The following OTP variants were observed in gnomAD, a reference collection of about 807,000 sequenced individuals.
OTP encodes the protein orthopedia homeobox.
OTP carries 5 observed loss-of-function variants against 22.3 expected under a neutral mutation model. That is an observed-to-expected ratio of 0.22 (90% confidence interval 0.12 to 0.47). OTP has a LOEUF of 0.47. Ranked by LOEUF, OTP falls within the 20% of genes least tolerant of loss-of-function variation. The pLI, the probability that OTP is intolerant of heterozygous loss-of-function variation, is 0.99. For missense variants in OTP, 428 were observed against 456.2 expected (o/e 0.94, Z 0.56); for synonymous variants, 229 against 210.6 (o/e 1.09, Z -0.76).
chr5:77,633,704 A>G (rs1160494778), intron 2 of OTP, among the ~76,000 whole-genome samples: 1 of 152,246 alleles, frequency 6.6e-6, no homozygotes. Flanking sequence ...TTTAAAATAT[A>G]TAGCCCGTTT....
Position 77,636,875 on chromosome 5 carries a change from G to A in OTP, c.393C>T (p.Ile131=), listed in dbSNP as rs776968616. Residue 131 remains isoleucine (I), a synonymous_variant, in exon 2 of 3, where the codon ATC becomes ATT. Coordinates refer to ENST00000306422, the MANE Select transcript of OTP (RefSeq NM_032109.3). Reference sequence around the variant, plus strand: ...GCAGTGCCAGCTCCTCACGCATAAAGATGTCGGGGTAGTGAGTCTTGGCGA... The same window carrying A: ...GCAGTGCCAGCTCCTCACGCATAAAAATGTCGGGGTAGTGAGTCTTGGCGA... The part of the protein sequence containing the change: ...RSFAKTHYPD[I]FMREELALRI... 32 of 1,614,206 alleles carry A rather than the reference G, an allele frequency of 2.0e-5. No individual in the cohort carries two copies. The highest frequency in any genetic ancestry group is 2.5e-5 in the Non-Finnish European group (30 of 1,180,034).
chr5:77,631,034 G>T (rs1334503270), intron 2 of OTP, among the ~76,000 whole-genome samples: 1 of 152,230 alleles, frequency 6.6e-6, no homozygotes, highest in Non-Finnish European at 1.5e-5. Context: ...AAGAGCTCGT[G>T]CCCCGAAGAG....
chr5:77,631,914 C>A (rs1425023722), intron 2 of OTP, among the ~76,000 whole-genome samples: 1 of 152,156 alleles, frequency 6.6e-6, no homozygotes, highest in Non-Finnish European at 1.5e-5. Context: ...ACAAGGCCTC[C>A]AGTTCCCTCA....
At chr5:77,637,853 A>G (rs568476946) in intron 1 of OTP, among the ~76,000 whole-genome samples, 1 of 152,358 alleles carries the variant, frequency 6.6e-6, no homozygotes, top group South Asian at 2.1e-4. Context: ...CCCAGATAGC[A>G]TTAAGGAAAC....
intron 2 of OTP, among the ~76,000 whole-genome samples, chr5:77,633,029 G>C (rs1438283993): frequency 6.6e-6 from 1 of 152,158 alleles, no homozygotes; most frequent in Non-Finnish European, 1.5e-5. Flanking sequence ...ACGCCGCACC[G>C]GGATTATGTT....
chr5:77,637,754 G>T (rs551874085), intron 1 of OTP, among the ~76,000 whole-genome samples: 2 of 152,040 alleles, frequency 1.3e-5, no homozygotes, highest in African/African-American at 2.4e-5. Context: ...AATCAGCTCC[G>T]CCTCCCCCTC....
At chr5:77,636,522 G>A (rs932889857) in intron 2 of OTP, 11 of 344,120 alleles carry the variant, frequency 3.2e-5, no homozygotes, top group African/African-American at 2.1e-4. Context: ...GGGGGGCGCT[G>A]AGGTTGCCTT....
rs762272040 is a variant in OTP, at chr5:77,637,068, C to G, written c.200G>C (p.Gly67Ala). The G allele has an allele frequency of 6.2e-7, 1 of 1,613,344 alleles. No individual in the cohort carries two copies. Among genetic ancestry groups the G allele is most frequent in the East Asian group, 2.2e-5 (1 of 44,864 alleles). The change falls in exon 2 of 3, where the codon GGC becomes GCC. Residue 67 changes from glycine to alanine, a missense_variant. Transcript: ENST00000306422. ...CACCGCCAGCGAGGCCGGAGTAGAGCCCACTGTGGTGATGTCCTCCCCGGG... is the reference window on the plus strand; with the variant it reads ...CACCGCCAGCGAGGCCGGAGTAGAGGCCACTGTGGTGATGTCCTCCCCGGG... ...LLPGEDITTV[G>A]STPASLAVSA...
Position 77,630,387 on chromosome 5 carries a change from G to A in OTP, c.855C>T (p.Ser285=). 6.3e-7 allele frequency: 1 copy of A among 1,579,748 alleles called. No homozygotes were observed. The highest frequency in any genetic ancestry group is 8.6e-7 in the Non-Finnish European group (1 of 1,166,460). Residue 285 remains serine, a synonymous_variant, in exon 3 of 3, where the codon AGC becomes AGT. Transcript: ENST00000306422. The part of the protein sequence containing the change: ...GMVPASLPGP[S]NVSGSPQLCS... Reference sequence around the variant, plus strand: ...AGAGCTGGGGCGAACCGGAGACGTTGCTGGGGCCGGGGAGGGAGGCGGGCA... The same window carrying A: ...AGAGCTGGGGCGAACCGGAGACGTTACTGGGGCCGGGGAGGGAGGCGGGCA...
At chr5:77,636,789 G>A (rs1394552491) in intron 2 of OTP, 32 bp downstream of exon 2, 1 of 1,582,478 alleles carries the variant, frequency 6.3e-7, no homozygotes, top group Non-Finnish European at 8.6e-7. Flanking sequence ...CCCTGTCCTT[G>A]CCTTCTGTCC....
chr5:77,629,857 A>AG lies in OTP; in HGVS notation c.*406dup. The AG allele has an allele frequency of 6.6e-6, 1 of 152,166 alleles. No homozygotes were observed. The highest frequency in any genetic ancestry group is 1.4e-5 in the Non-Finnish European group (1 of 72,648). The allele number at this position is 152,166 out of a possible 1,614,324, so 9.4% of individuals were successfully genotyped here. A position where few individuals can be genotyped will look rare whatever the true frequency, so the allele number is the denominator to read the frequency against. On this transcript the variant is annotated 3_prime_UTR_variant, in exon 3 of 3. Coordinates refer to ENST00000306422, the MANE Select transcript of OTP (RefSeq NM_032109.3). ...GGGACCGGAGGGGAGGCGGCGGGCG[A>AG]GGGGGGTCGTAGGCGTCGCGTCGAA...
intron 2 of OTP, 198 bp downstream of exon 2, chr5:77,636,623 A>C (rs938611461): frequency 1.8e-6 from 1 of 558,378 alleles, no homozygotes; most frequent in Non-Finnish European, 3.1e-6. Flanking sequence ...CTGGCCGGAG[A>C]CGGGCCTTGC....
In OTP at chr5:77,630,190, G is replaced by C. The variant is rs924878243; in HGVS notation, c.*74C>G. On this transcript the variant is annotated 3_prime_UTR_variant, in exon 3 of 3. Transcript: ENST00000306422. Reference sequence around the variant, plus strand: ...GGACGGGGCAGGGCGCCGGGGTCCGGGTGCGCGCCGGAAGGGCCTCGGGGC... The same window carrying C: ...GGACGGGGCAGGGCGCCGGGGTCCGCGTGCGCGCCGGAAGGGCCTCGGGGC... 4 of 1,061,048 alleles carry C rather than the reference G, an allele frequency of 3.8e-6. No homozygotes were observed. The highest frequency in any genetic ancestry group is 3.7e-6 in the Non-Finnish European group (3 of 821,072). The allele number at this position is 1,061,048 out of a possible 1,614,324, so 65.7% of individuals were successfully genotyped here. A position where few individuals can be genotyped will look rare whatever the true frequency, so the allele number is the denominator to read the frequency against.
rs1436596224 is a variant in OTP at position 77,637,007 on chromosome 5, C to G, written c.261G>C (p.Gln87His). The G allele has an allele frequency of 1.2e-6, 2 of 1,613,236 alleles. No individual in the cohort carries two copies. Among genetic ancestry groups the G allele is most frequent in the African/African-American group, 2.7e-5 (2 of 74,928 alleles). The change falls in exon 2 of 3, where the codon CAG becomes CAC. Residue 87 changes from glutamine to histidine, a missense_variant. Coordinates refer to ENST00000306422, the MANE Select transcript of OTP (RefSeq NM_032109.3). ...AKDPDKQPGP[Q>H]GGPNPSQAGQ... ...CGGCTTGGCTGGGGTTCGGGCCGCCCTGGGGCCCGGGCTGCTTGTCCGGGT... is the reference window on the plus strand; with the variant it reads ...CGGCTTGGCTGGGGTTCGGGCCGCCGTGGGGCCCGGGCTGCTTGTCCGGGT...
At position 77,630,321 on chromosome 5, in the gene OTP, G is replaced by A. The variant is rs1744906258; in HGVS notation, c.921C>T (p.Ser307=). ...GCGCCTTGCGGCGGAGGGAGGCGAT[G>A]CTGGTGCCCCGCCACACGTCGCTGC... ...PDSSDVWRGT[S]IASLRRKALE... is the part of the protein sequence containing the mutation. The change falls in exon 3 of 3, where the codon AGC becomes AGT. Residue 307 remains serine (S), a synonymous_variant. Coordinates refer to ENST00000306422, the MANE Select transcript of OTP (RefSeq NM_032109.3). The A allele has an allele frequency of 1.3e-6, 2 of 1,566,882 alleles. No individual in the cohort carries two copies. The highest frequency in any genetic ancestry group is 8.6e-7 in the Non-Finnish European group (1 of 1,159,732).
chr5:77,637,445 C>A (rs1236216414), intron 1 of OTP, among the ~76,000 whole-genome samples: 1 of 152,248 alleles, frequency 6.6e-6, no homozygotes, highest in Non-Finnish European at 1.5e-5. Flanking sequence ...CCGCAGCCGG[C>A]TCCCGTAGTA....
Position 77,630,252 on chromosome 5 carries a change from G to C in OTP, c.*12C>G. 1 of 1,501,644 alleles carries C rather than the reference G, an allele frequency of 6.7e-7. No individual in the cohort carries two copies. The highest frequency in any genetic ancestry group is 8.9e-7 in the Non-Finnish European group (1 of 1,129,342). 93.0% of individuals were successfully genotyped at this position (1,501,644 alleles called of 1,614,324 possible). ...CGGTGCTGGGGGCGGAGCGGGCCGGGGCGCGGCTGCATTAAGTGAAGCTCA... is the reference window on the plus strand; with the variant it reads ...CGGTGCTGGGGGCGGAGCGGGCCGGCGCGCGGCTGCATTAAGTGAAGCTCA... On this transcript the variant is annotated 3_prime_UTR_variant, in exon 3 of 3. Transcript: ENST00000306422.
chr5:77,638,404 T>C, intron 1 of OTP, 109 bp downstream of exon 1: 2 of 1,095,392 alleles, frequency 1.8e-6, no homozygotes, highest in Admixed American at 2.1e-5. Context: ...GCACAATTAC[T>C]TTTAAAGAAA....
intron 2 of OTP, among the ~76,000 whole-genome samples, chr5:77,631,576 T>TTTTTTA (rs1744932223): frequency 7.3e-6 from 1 of 137,064 alleles, no homozygotes; most frequent in Non-Finnish European, 1.5e-5. Flanking sequence ...TTTTTTTTTT[T>TTTTTTA]GAGACGGAGT....
Sources: gnomAD v4.1 joint callset for allele counts (sites outside exome capture counted in the v4.1 genomes callset) on GRCh38, gnomAD v4.1.1 for gene constraint, MANE v1.5 for transcripts, NCBI Gene and HGNC (gene_info 2026-07-23, HGNC 2026-07-21) for gene names.